The following F13A1 variants were observed in gnomAD, a reference collection of about 807,000 sequenced individuals.
F13A1 encodes the protein FSF, A subunit.
F13A1 carries 47 observed loss-of-function variants against 80.1 expected under a neutral mutation model. The ratio of observed to expected loss-of-function variants is 0.59; its 90% CI spans 0.46 to 0.75. The LOEUF (loss-of-function observed/expected upper bound fraction) is 0.75, where lower values mean the gene tolerates loss of function less well. F13A1 is among the 30% of genes least tolerant of loss of function. The probability of loss-of-function intolerance (pLI) is 0.00; values close to 1 mark genes in which losing one functional copy is unlikely to be tolerated. For synonymous variants in F13A1, 349 were observed against 344.9 expected (o/e 1.01, Z -0.13); for missense variants, 817 against 930.4 (o/e 0.88, Z 1.59).
intron 3 of F13A1, among the ~76,000 whole-genome samples, chr6:6,290,777 G>A (rs1196705238): frequency 2.0e-5 from 3 of 152,144 alleles, no homozygotes; most frequent in East Asian, 3.9e-4. Context: ...ACCCATAGGA[G>A]CAAAAATCTG....
Position 6,253,555 on chromosome 6 carries a change from C to T in F13A1, c.572-2626G>A, listed in dbSNP as rs545556177. ...CTCTCAGGGAGAGACGGATCCTCTC[C>T]AGCTGTTCCCACCGGAAGCAGAGCT... On this transcript the variant is annotated intron_variant, in intron 4 of 14. Coordinates refer to ENST00000264870, the MANE Select transcript of F13A1 (RefSeq NM_000129.4). 7.9e-5 allele frequency among the ~76,000 whole-genome samples: 12 copies of T among 152,278 alleles called. No individual in the cohort carries two copies. The South Asian group carries it at 2.5e-3, about 32-fold the overall frequency.
chr6:6,282,564 C>A (rs755382659), intron 3 of F13A1, among the ~76,000 whole-genome samples: 2 of 152,096 alleles, frequency 1.3e-5, no homozygotes, highest in African/African-American at 4.8e-5. Context: ...CAGGGGTAAC[C>A]CCAACAGTCA....
intron 2 of F13A1, among the ~76,000 whole-genome samples, chr6:6,309,892 G>T (rs917457770): frequency 6.6e-6 from 1 of 152,156 alleles, no homozygotes; most frequent in African/African-American, 2.4e-5. Flanking sequence ...CTCCCTGCAT[G>T]ATAATGTGTC....
chr6:6,198,234 T>G lies in F13A1; in HGVS notation c.1113-908A>C, dbSNP rs564319575. Among the ~76,000 whole-genome samples, 174 of 152,268 alleles carry G rather than the reference T, an allele frequency of 1.1e-3. 2 individuals carry two copies. Among genetic ancestry groups the G allele is most frequent in the African/African-American group, 4.1e-3 (170 of 41,536 alleles). ...AAAAGTGCTAAGGGTCATGGAAAAC[T>G]TCTCAGAAATTTGAATATGACCCTG... On this transcript the variant is annotated intron_variant, in intron 8 of 14. Transcript: ENST00000264870.
At chr6:6,272,514 G>A (rs558856871) in intron 3 of F13A1, among the ~76,000 whole-genome samples, 36 of 152,106 alleles carry the variant, frequency 2.4e-4, no homozygotes, top group Non-Finnish European at 4.0e-4. Flanking sequence ...CCTCTTTTGG[G>A]CATGTCATCT....
intron 13 of F13A1, among the ~76,000 whole-genome samples, chr6:6,166,202 A>C (rs1375347550): frequency 6.6e-6 from 1 of 152,198 alleles, no homozygotes; most frequent in Non-Finnish European, 1.5e-5. Context: ...CTCATCTGTA[A>C]AGTGATGCCA....
chr6:6,315,407 C>T (rs1359743600), intron 2 of F13A1, among the ~76,000 whole-genome samples: 1 of 150,108 alleles, frequency 6.7e-6, no homozygotes, highest in Non-Finnish European at 1.5e-5. Context: ...GCTGGTCCCA[C>T]CTCTGGGATT....
chr6:6,237,648 G>A (rs1360802935), intron 6 of F13A1, among the ~76,000 whole-genome samples: 1 of 152,132 alleles, frequency 6.6e-6, no homozygotes, highest in East Asian at 1.9e-4. Context: ...ACCTTGATTT[G>A]GATGTCCTTA....
In F13A1 at chr6:6,188,900, G is replaced by T. The variant is rs1291472049; in HGVS notation, c.1306-6759C>A. On this transcript the variant is annotated intron_variant, in intron 10 of 14. Transcript: ENST00000264870. ...TCTAAGAACTTGCTTTATGAATCTG[G>T]GTGCTCCTGTATTGGGTGCATATAT... Among the ~76,000 whole-genome samples, 3 of 72,636 alleles carry T rather than the reference G, an allele frequency of 4.1e-5. 1 individual carries two copies. Among genetic ancestry groups the T allele is most frequent in the Non-Finnish European group, 7.2e-5 (3 of 41,896 alleles). 47.7% of individuals were successfully genotyped at this position (72,636 alleles called of 152,430 possible). A position where few individuals can be genotyped will look rare whatever the true frequency, so the allele number is the denominator to read the frequency against.
intron 3 of F13A1, among the ~76,000 whole-genome samples, chr6:6,296,336 C>A (rs896420658): frequency 7.4e-5 from 11 of 149,168 alleles, no homozygotes; most frequent in African/African-American, 2.7e-4. Flanking sequence ...TTACCTTGGG[C>A]AGTATGGCCA....
rs1234714366 is a variant in F13A1 at position 6,243,330 on chromosome 6, TCAC to T, written c.798+4979_798+4981del. 1.3e-5 allele frequency among the ~76,000 whole-genome samples: 2 copies of T among 150,440 alleles called. No homozygotes were observed. The highest frequency in any genetic ancestry group is 6.6e-5 in the Admixed American group (1 of 15,060). ...ATCACAATCACTATCACCACCACCG[TCAC>T]CACCACCATCATCACTAACTCTATC... On this transcript the variant is annotated intron_variant, in intron 6 of 14. Transcript: ENST00000264870. The surrounding 1 kb of genome is among the most constrained non-coding windows in gnomAD (Gnocchi z 4.2).
At chr6:6,245,225 C>G (rs1380486017) in intron 6 of F13A1, among the ~76,000 whole-genome samples, 1 of 152,114 alleles carries the variant, frequency 6.6e-6, no homozygotes, top group Admixed American at 6.5e-5. Flanking sequence ...ATATTTTTAT[C>G]TGGGGATTGT....
At chr6:6,283,750 C>G (rs1320461898) in intron 3 of F13A1, among the ~76,000 whole-genome samples, 2 of 151,878 alleles carry the variant, frequency 1.3e-5, no homozygotes, top group African/African-American at 4.8e-5. Flanking sequence ...TGTGGAGCAC[C>G]AATCTTGATT....
intron 10 of F13A1, among the ~76,000 whole-genome samples, chr6:6,185,645 A>C (rs1434809263): frequency 6.6e-6 from 1 of 151,622 alleles, no homozygotes; most frequent in Non-Finnish European, 1.5e-5. Flanking sequence ...GGTTGGTTCC[A>C]AGTCTTTGCT....
At position 6,193,735 on chromosome 6, in the gene F13A1, CCTT is replaced by C. The variant is rs368271794; in HGVS notation, c.1305+2059_1305+2061del. On this transcript the variant is annotated intron_variant, in intron 10 of 14. Transcript: ENST00000264870. ...GCTTGTGGAGGGAGGTCCTCCTTCT[CCTT>C]CTTTGCAGCAATAAAGTGTAATAAA... Among the ~76,000 whole-genome samples the C allele has an allele frequency of 2.6e-3, 396 of 152,284 alleles. 3 individuals carry two copies. Among genetic ancestry groups the C allele is most frequent in the African/African-American group, 9.3e-3 (386 of 41,556 alleles).
intron 3 of F13A1, among the ~76,000 whole-genome samples, chr6:6,291,110 C>G (rs1462657148): frequency 6.6e-6 from 1 of 152,142 alleles, no homozygotes; most frequent in Non-Finnish European, 1.5e-5. Flanking sequence ...TGCTCACCAC[C>G]TACATCTTTA....
intron 10 of F13A1, among the ~76,000 whole-genome samples, chr6:6,185,063 CAG>C: frequency 6.6e-6 from 1 of 151,986 alleles, no homozygotes; most frequent in African/African-American, 2.4e-5. Context: ...TAGATAAGTT[CAG>C]AGTGTATGGC....
At chr6:6,292,127 G>A (rs558354152) in intron 3 of F13A1, among the ~76,000 whole-genome samples, 21 of 152,288 alleles carry the variant, frequency 1.4e-4, no homozygotes, top group Admixed American at 6.5e-4. Flanking sequence ...AAATGGAGAT[G>A]GCCATAGTCC....
intron 3 of F13A1, among the ~76,000 whole-genome samples, chr6:6,287,941 G>T (rs940882133): frequency 3.3e-5 from 5 of 152,196 alleles, no homozygotes; most frequent in African/African-American, 1.2e-4. Context: ...GGAGACAAAA[G>T]ACATGAGAGC....
Sources: allele counts gnomAD v4.1 joint callset (sites outside exome capture counted in the v4.1 genomes callset), GRCh38; gene constraint gnomAD v4.1.1; non-coding constraint Gnocchi (gnomAD v3.1); transcripts MANE v1.5; gene names NCBI Gene and HGNC (gene_info 2026-07-23, HGNC 2026-07-21).